Variants in GHR observed in about 807,000 individuals in gnomAD.
GHR encodes the protein growth hormone receptor, also known as GH receptor.
A neutral mutation model predicts 67.1 loss-of-function variants in GHR; 35 were observed. The observed-to-expected ratio is 0.52, with a 90% CI of 0.40 to 0.69. GHR has a LOEUF of 0.69. GHR is among the 30% of genes least tolerant of loss of function. The pLI is 0.00. For missense variants in GHR, 792 were observed against 764.6 expected (o/e 1.04, Z -0.42); for synonymous variants, 272 against 269.1 (o/e 1.01, Z -0.10).
At chr5:42,520,644 T>C (rs1001885085) in intron 1 of GHR, among the ~76,000 whole-genome samples, 17 of 152,144 alleles carry the variant, frequency 1.1e-4, no homozygotes, top group Admixed American at 6.5e-5. Context: ...TGGGTACTTT[T>C]TTTGTCCCTG....
At position 42,701,884 on chromosome 5, in the gene GHR, C is replaced by A. The variant is rs10044169; in HGVS notation, c.618+1882C>A. Among the ~76,000 whole-genome samples the A allele has an allele frequency of 0.66, 99,588 of 151,776 alleles. 33,816 individuals are homozygous for A. The highest frequency in any genetic ancestry group is 0.84 in the East Asian group (4,356 of 5,166). ...TAATACATGATGTAATCAAATCATGCATGGGGAAATGATCCATTCAAAGTA... is the reference window on the plus strand; with the variant it reads ...TAATACATGATGTAATCAAATCATGAATGGGGAAATGATCCATTCAAAGTA... On this transcript the variant is annotated intron_variant, in intron 6 of 9. Transcript: ENST00000230882.
intron 1 of GHR, among the ~76,000 whole-genome samples, chr5:42,562,676 G>T (rs1316249200): frequency 3.3e-4 from 45 of 135,490 alleles, no homozygotes; most frequent in African/African-American, 1.2e-3. Flanking sequence ...TTTGGAGATG[G>T]AGTCTTGCTC....
intron 2 of GHR, among the ~76,000 whole-genome samples, chr5:42,601,437 G>T (rs966800181): frequency 2.0e-5 from 3 of 151,734 alleles, no homozygotes; most frequent in Non-Finnish European, 4.4e-5. Flanking sequence ...CTGTTACCCA[G>T]GTATTTAAAA....
At chr5:42,701,427 T>C (rs1416306069) in intron 6 of GHR, among the ~76,000 whole-genome samples, 1 of 152,212 alleles carries the variant, frequency 6.6e-6, no homozygotes, top group Non-Finnish European at 1.5e-5. Context: ...GTCTGCTGCG[T>C]ACTGAGGTAT....
At chr5:42,564,185 T>TGTGAGATTTATTTGAAATCTCACAAA (rs1749797530) in intron 1 of GHR, among the ~76,000 whole-genome samples, 5 of 35,494 alleles carry the variant, frequency 1.4e-4, no homozygotes, top group African/African-American at 3.5e-4. Flanking sequence ...AATCTCACAA[T>TGTGAGATTTATTTGAAATCTCACAAA]GTGTGAGATT....
chr5:42,607,548 C>T (rs1438623656), intron 2 of GHR, among the ~76,000 whole-genome samples: 1 of 152,038 alleles, frequency 6.6e-6, no homozygotes. Context: ...AAAACTGACA[C>T]AAAATAACAG....
chr5:42,688,810 C>A, intron 3 of GHR, 80 bp from the exon 4 acceptor site: 1 of 1,305,916 alleles, frequency 7.7e-7, no homozygotes, highest in Non-Finnish European at 1.1e-6. Context: ...AGTTTCTTCA[C>A]ACACTTTAGA....
At chr5:42,668,775 C>G (rs949413660) in intron 3 of GHR, among the ~76,000 whole-genome samples, 2 of 152,034 alleles carry the variant, frequency 1.3e-5, no homozygotes, top group Admixed American at 6.6e-5. Flanking sequence ...AGGTATATTG[C>G]ATGCCAATGC....
chr5:42,481,006 G>A (rs1410036255), intron 1 of GHR, among the ~76,000 whole-genome samples: 1 of 152,106 alleles, frequency 6.6e-6, no homozygotes, highest in Non-Finnish European at 1.5e-5. Flanking sequence ...AATTTGGCAT[G>A]TTTTTGCAGT....
At chr5:42,600,650 C>G (rs897894394) in intron 2 of GHR, among the ~76,000 whole-genome samples, 6 of 152,150 alleles carry the variant, frequency 3.9e-5, no homozygotes, top group African/African-American at 1.4e-4. Flanking sequence ...GCAGCTATAC[C>G]AGTGACAACA....
chr5:42,687,023 A>G (rs1361541805), intron 3 of GHR, among the ~76,000 whole-genome samples: 1 of 152,214 alleles, frequency 6.6e-6, no homozygotes, highest in African/African-American at 2.4e-5. Context: ...AAGCATTCCT[A>G]TACACCAGTA....
intron 1 of GHR, 102 bp from the exon 2 acceptor site, chr5:42,565,762 C>T (rs939122321): frequency 4.3e-5 from 69 of 1,602,608 alleles, no homozygotes; most frequent in Non-Finnish European, 5.5e-5. Context: ...CTGGAACTGA[C>T]TCGTCAGCTC....
intron 2 of GHR, among the ~76,000 whole-genome samples, chr5:42,608,526 T>C (rs760110847): frequency 6.6e-6 from 1 of 152,130 alleles, no homozygotes; most frequent in Non-Finnish European, 1.5e-5. Context: ...GAGTGTCGTT[T>C]AGTGACACAC....
At chr5:42,673,428 A>G (rs1561216807) in intron 3 of GHR, among the ~76,000 whole-genome samples, 1 of 152,148 alleles carries the variant, frequency 6.6e-6, no homozygotes, top group African/African-American at 2.4e-5. Flanking sequence ...AAGAAAGTAC[A>G]TTGTTTCTTT....
At chr5:42,651,031 G>A (rs1287519469) in intron 3 of GHR, among the ~76,000 whole-genome samples, 3 of 152,130 alleles carry the variant, frequency 2.0e-5, no homozygotes, top group South Asian at 2.1e-4. Flanking sequence ...TAATGGTAAC[G>A]GGATTTGCCT....
intron 3 of GHR, among the ~76,000 whole-genome samples, chr5:42,676,822 C>G (rs1283077476): frequency 1.3e-5 from 2 of 152,108 alleles, no homozygotes; most frequent in African/African-American, 4.8e-5. Context: ...AACAAAATAG[C>G]ACTTGGGATA....
intron 1 of GHR, chr5:42,550,080 C>T: frequency 1.0e-6 from 1 of 975,366 alleles, no homozygotes; most frequent in Non-Finnish European, 1.2e-6. Flanking sequence ...GCCTGATGAT[C>T]AATGATATTA....
chr5:42,479,411 G>C (rs181894151), intron 1 of GHR, among the ~76,000 whole-genome samples: 1 of 152,338 alleles, frequency 6.6e-6, no homozygotes, highest in South Asian at 2.1e-4. Flanking sequence ...AAATGAGTTA[G>C]GGAGGATTCC....
chr5:42,658,034 T>C (rs1034114090), intron 3 of GHR, among the ~76,000 whole-genome samples: 1 of 152,186 alleles, frequency 6.6e-6, no homozygotes, highest in Non-Finnish European at 1.5e-5. Context: ...GCATTATTGC[T>C]TAGGGAATTC....
Sources: gnomAD v4.1 joint callset for allele counts (sites outside exome capture counted in the v4.1 genomes callset) on GRCh38, gnomAD v4.1.1 for gene constraint, MANE v1.5 for transcripts, NCBI Gene and HGNC (gene_info 2026-07-23, HGNC 2026-07-21) for gene names.